Variants in BAMBI observed in about 807,000 individuals in gnomAD.
The protein encoded by BAMBI is BMP and activin membrane-bound inhibitor homolog.
In BAMBI, 21 loss-of-function variants were observed where a neutral mutation model predicts 24.1. That is an observed-to-expected ratio of 0.87 (90% CI 0.62 to 1.26). The LOEUF (loss-of-function observed/expected upper bound fraction) is 1.26, where lower values mean the gene tolerates loss of function less well. BAMBI is among the 50% of genes most tolerant of loss of function. The probability of loss-of-function intolerance (pLI) is 0.00; values close to 1 mark genes in which losing one functional copy is unlikely to be tolerated. For missense variants in BAMBI, 388 were observed against 329.1 expected (o/e 1.18, Z -1.38); for synonymous variants, 156 against 123.1 (o/e 1.27, Z -1.77).
chr10:28,678,605 C>T (rs147239085), intron 1 of BAMBI, among the ~76,000 whole-genome samples: 1 of 152,032 alleles, frequency 6.6e-6, no homozygotes, highest in African/African-American at 2.4e-5. Flanking sequence ...GTGTCTGTCT[C>T]TAAGTGTCTT....
intron 1 of BAMBI, among the ~76,000 whole-genome samples, chr10:28,678,417 C>CT (rs1359624672): frequency 2.0e-5 from 3 of 152,186 alleles, no homozygotes; most frequent in South Asian, 2.1e-4. Flanking sequence ...TTTTGTGTCT[C>CT]TGAGTGTCGT....
Position 28,681,475 on chromosome 10 carries a change from C to G in BAMBI, c.294C>G (p.Cys98Trp). ...GCACCACCATACCCACATTGGAATG[C>G]TGTCATGAAGACATGTGCAATTACA... ...HSGTTIPTLE[C>W]CHEDMCNYRG... The change falls in exon 2 of 3, where the codon TGC (cysteine) becomes TGG (tryptophan). Residue 98 changes from cysteine (C) to tryptophan (W), a missense_variant. By Grantham distance (215) the Cys-to-Trp change is radical. Transcript: ENST00000375533. 6.2e-7 allele frequency: 1 copy of G among 1,614,188 alleles called. No homozygotes were observed. Among genetic ancestry groups the G allele is most frequent in the Non-Finnish European group, 8.5e-7 (1 of 1,180,032 alleles).
rs1294337499 is a variant in BAMBI at position 28,677,769 on chromosome 10, C to G, written c.-129C>G. On this transcript the variant is annotated 5_prime_UTR_variant, in exon 1 of 3. Transcript: ENST00000375533. ...CATGCTCCGGCAGCGGCCCGAAACC[C>G]AGCCCCGCCGCTGACGGCGCCCGCC... The G allele has an allele frequency of 3.9e-6, 2 of 515,022 alleles. No individual in the cohort carries two copies. Among genetic ancestry groups the G allele is most frequent in the Non-Finnish European group, 2.8e-6 (1 of 355,146 alleles). The allele number at this position is 515,022 out of a possible 1,614,324, so 31.9% of individuals were successfully genotyped here.
In BAMBI at chr10:28,681,255, C is replaced by T. The variant is rs1834493530; in HGVS notation, c.77-3C>T. On this transcript the variant is annotated splice_polypyrimidine_tract_variant and splice_region_variant and intron_variant, in intron 1 of 2. Transcript: ENST00000375533. ...GTTTGAGGTGGTTTCTCATTGTTTT[C>T]AGGTGAAATTCGATGCTACTGTGAT... The T allele has an allele frequency of 6.2e-7, 1 of 1,608,034 alleles. No homozygotes were observed. Among genetic ancestry groups the T allele is most frequent in the South Asian group, 1.1e-5 (1 of 91,018 alleles).
At position 28,677,775 on chromosome 10, in the gene BAMBI, C is replaced by A; in HGVS notation, c.-123C>A. 1 of 567,112 alleles carries A rather than the reference C, an allele frequency of 1.8e-6. No individual in the cohort carries two copies. The highest frequency in any genetic ancestry group is 2.5e-6 in the Non-Finnish European group (1 of 401,564). 35.1% of individuals were successfully genotyped at this position (567,112 alleles called of 1,614,324 possible). On this transcript the variant is annotated 5_prime_UTR_variant, in exon 1 of 3. Coordinates refer to ENST00000375533, the MANE Select transcript of BAMBI (RefSeq NM_012342.3). ...CCGGCAGCGGCCCGAAACCCAGCCCCGCCGCTGACGGCGCCCGCCGCTCCG... is the reference window on the plus strand; with the variant it reads ...CCGGCAGCGGCCCGAAACCCAGCCCAGCCGCTGACGGCGCCCGCCGCTCCG...
Position 28,677,768 on chromosome 10 carries a change from C to T in BAMBI, c.-130C>T. The stretch of plus-strand genomic sequence containing the variant: ...CCATGCTCCGGCAGCGGCCCGAAAC[C>T]CAGCCCCGCCGCTGACGGCGCCCGC... On this transcript the variant is annotated 5_prime_UTR_variant, in exon 1 of 3. Transcript: ENST00000375533. 1 of 508,808 alleles carries T rather than the reference C, an allele frequency of 2.0e-6. No homozygotes were observed. The highest frequency in any genetic ancestry group is 9.8e-5 in the South Asian group (1 of 10,154). The allele number at this position is 508,808 out of a possible 1,614,324, so 31.5% of individuals were successfully genotyped here.
chr10:28,679,050 A>G (rs944645060), intron 1 of BAMBI, among the ~76,000 whole-genome samples: 2 of 152,208 alleles, frequency 1.3e-5, no homozygotes, highest in Non-Finnish European at 2.9e-5. Flanking sequence ...AGGTTAAAGC[A>G]TAAGCTAGCC....
Position 28,680,311 on chromosome 10 carries a change from G to T in BAMBI, c.77-947G>T, listed in dbSNP as rs552177625. Among the ~76,000 whole-genome samples the T allele has an allele frequency of 2.6e-5, 4 of 152,278 alleles. No homozygotes were observed. In the South Asian group the frequency reaches 8.3e-4, roughly 32 times the overall value. ...ATTTCAACGAGAAACTGATATTAAA[G>T]CCTCCAATCTTGCCCTGCGACAAAA... On this transcript the variant is annotated intron_variant, in intron 1 of 2. Coordinates refer to ENST00000375533, the MANE Select transcript of BAMBI (RefSeq NM_012342.3).
Position 28,681,967 on chromosome 10 carries a change from C to A in BAMBI, c.365-16C>A. 1 of 1,591,512 alleles carries A rather than the reference C, an allele frequency of 6.3e-7. No homozygotes were observed. ...AGTTAGCATGGAGTTTGATCATTTT[C>A]TTTGTACTCCTTTAGGACAAGGAAA... is the stretch of plus-strand genomic sequence containing the variant. On this transcript the variant is annotated splice_polypyrimidine_tract_variant and intron_variant, in intron 2 of 2. Transcript: ENST00000375533.
intron 1 of BAMBI, among the ~76,000 whole-genome samples, chr10:28,678,515 C>T (rs969619204): frequency 2.6e-5 from 4 of 152,170 alleles, no homozygotes; most frequent in African/African-American, 9.7e-5. Context: ...ATTTCTGTGT[C>T]TCTTTCTGAG....
In BAMBI at chr10:28,682,240, G is replaced by C. The variant is rs72809669; in HGVS notation, c.622G>C (p.Val208Leu). The part of the protein sequence containing the change: ...FHGHHSKKGQ[V>L]AKLDLECMVP... The stretch of plus-strand genomic sequence containing the variant: ...CGGACACCATTCCAAAAAGGGGCAG[G>C]TTGCAAAGTTAGACTTGGAATGCAT... Residue 208 changes from valine to leucine, a missense_variant, in exon 3 of 3, where the codon GTT (valine) becomes CTT (leucine). By Grantham distance (32) the Val-to-Leu change is conservative (BLOSUM62 1). Coordinates refer to ENST00000375533, the MANE Select transcript of BAMBI (RefSeq NM_012342.3). The C allele has an allele frequency of 2.5e-6, 4 of 1,614,054 alleles. No individual in the cohort carries two copies. Among genetic ancestry groups the C allele is most frequent in the South Asian group, 2.2e-5 (2 of 91,090 alleles).
rs1316675653 is a variant in BAMBI, at chr10:28,677,762, C to T, written c.-136C>T. The T allele has an allele frequency of 3.9e-5, 18 of 465,184 alleles. No individual in the cohort carries two copies. Among genetic ancestry groups the T allele is most frequent in the South Asian group, 1.1e-4 (1 of 9,296 alleles). 28.8% of individuals were successfully genotyped at this position (465,184 alleles called of 1,614,324 possible). A position where few individuals can be genotyped will look rare whatever the true frequency, so the allele number is the denominator to read the frequency against. ...CGCGCTCCATGCTCCGGCAGCGGCC[C>T]GAAACCCAGCCCCGCCGCTGACGGC... On this transcript the variant is annotated 5_prime_UTR_variant, in exon 1 of 3. Coordinates refer to ENST00000375533, the MANE Select transcript of BAMBI (RefSeq NM_012342.3).
At chr10:28,678,820 CAAAA>C (rs11464273) in intron 1 of BAMBI, among the ~76,000 whole-genome samples, 1 of 137,936 alleles carries the variant, frequency 7.2e-6, no homozygotes. Context: ...CAAACAGGAC[CAAAA>C]AAAAAAAAAA....
chr10:28,682,074 AGCGGTC>A lies in BAMBI; in HGVS notation c.457_462del (p.Ala153_Val154del). The stretch of plus-strand genomic sequence containing the variant: ...CTTCCAAAGAGTTGTGGTTCCGGGC[AGCGGTC>A]ATTGCCGTGCCCATTGCTGGAGGGC... On this transcript the variant is annotated inframe_deletion, in exon 3 of 3. Coordinates refer to ENST00000375533, the MANE Select transcript of BAMBI (RefSeq NM_012342.3). 6.2e-7 allele frequency: 1 copy of A among 1,614,188 alleles called. No individual in the cohort carries two copies. The highest frequency in any genetic ancestry group is 8.5e-7 in the Non-Finnish European group (1 of 1,180,036).
Position 28,682,087 on chromosome 10 carries a change from G to T in BAMBI, c.469G>T (p.Val157Leu). The change falls in exon 3 of 3, where the codon GTG becomes TTG. Residue 157 changes from valine (V) to leucine (L), a missense_variant. Val to Leu is a conservative substitution (Grantham distance 32). Coordinates refer to ENST00000375533, the MANE Select transcript of BAMBI (RefSeq NM_012342.3). ...GTGGTTCCGGGCAGCGGTCATTGCC[G>T]TGCCCATTGCTGGAGGGCTGATTTT... ...ELWFRAAVIAVPIAGGLILVL... is the reference protein window; with the variant it reads ...ELWFRAAVIALPIAGGLILVL... The T allele has an allele frequency of 1.2e-6, 2 of 1,614,128 alleles. No individual in the cohort carries two copies. The highest frequency in any genetic ancestry group is 8.5e-7 in the Non-Finnish European group (1 of 1,180,010).
At chr10:28,680,273 G>T (rs184616060) in intron 1 of BAMBI, among the ~76,000 whole-genome samples, 2 of 152,286 alleles carry the variant, frequency 1.3e-5, no homozygotes, top group Admixed American at 6.5e-5. Flanking sequence ...GTGAGAACTT[G>T]AAGACCCAGA....
At chr10:28,680,650 T>C (rs1056038292) in intron 1 of BAMBI, among the ~76,000 whole-genome samples, 2 of 152,212 alleles carry the variant, frequency 1.3e-5, no homozygotes, top group Non-Finnish European at 2.9e-5. Context: ...ATATACTGAC[T>C]AAAAGCTCCT....
chr10:28,678,237 C>T (rs1003218880), intron 1 of BAMBI, among the ~76,000 whole-genome samples: 1 of 152,198 alleles, frequency 6.6e-6, no homozygotes, highest in African/African-American at 2.4e-5. Flanking sequence ...GGGAGCGGGG[C>T]CGGAGTCTCG....
Position 28,682,214 on chromosome 10 carries a change from A to ACC in BAMBI, c.597_598insCC (p.Gly200ProfsTer13). 6.2e-7 allele frequency: 1 copy of ACC among 1,614,166 alleles called. No homozygotes were observed. The highest frequency in any genetic ancestry group is 8.5e-7 in the Non-Finnish European group (1 of 1,180,036). On this transcript the variant is annotated frameshift_variant, in exon 3 of 3. Transcript: ENST00000375533. LOFTEE classifies it high-confidence loss of function. The stretch of plus-strand genomic sequence containing the variant: ...CTCTCCCGTTTGCACTACAGCTTTC[A>ACC]CGGACACCATTCCAAAAAGGGGCAG...
Sources: allele counts gnomAD v4.1 joint callset (sites outside exome capture counted in the v4.1 genomes callset), GRCh38; gene constraint gnomAD v4.1.1; transcripts MANE v1.5; gene names NCBI Gene and HGNC (gene_info 2026-07-23, HGNC 2026-07-21).